Variants in SFMBT1 observed in about 807,000 individuals in gnomAD.
SFMBT1 encodes the protein scm-like with four MBT domains protein 1.
A neutral mutation model predicts 108.7 loss-of-function variants in SFMBT1; 32 were observed. The ratio of observed to expected loss-of-function variants is 0.29; its 90% confidence interval spans 0.22 to 0.40. The LOEUF is 0.40. SFMBT1 is among the 10% of genes least tolerant of loss of function. The pLI, the probability that SFMBT1 is intolerant of heterozygous loss-of-function variation, is 1.00. For synonymous variants in SFMBT1, 348 were observed against 369.5 expected (o/e 0.94, Z 0.67); for missense variants, 816 against 1,059.6 (o/e 0.77, Z 3.19).
chr3:52,947,446 G>A (rs1398113360), intron 3 of SFMBT1, among the ~76,000 whole-genome samples: 1 of 152,076 alleles, frequency 6.6e-6, no homozygotes, highest in Non-Finnish European at 1.5e-5. Flanking sequence ...ATTTTGGAAG[G>A]TGTGTCATGT....
At chr3:52,908,152 C>T (rs192858477) in intron 17 of SFMBT1, among the ~76,000 whole-genome samples, 61 of 150,246 alleles carry the variant, frequency 4.1e-4, no homozygotes, top group Non-Finnish European at 7.2e-4. Context: ...CGGCTCACTG[C>T]AACCTCTGCC....
intron 1 of SFMBT1, among the ~76,000 whole-genome samples, chr3:52,986,199 T>C (rs1704910346): frequency 6.6e-6 from 1 of 151,492 alleles, no homozygotes; most frequent in Non-Finnish European, 1.5e-5. Context: ...GCACTTATCA[T>C]GAATGGAGCT....
intron 1 of SFMBT1, among the ~76,000 whole-genome samples, chr3:53,007,884 C>T (rs1447829036): frequency 1.3e-5 from 2 of 152,092 alleles, no homozygotes; most frequent in African/African-American, 4.8e-5. Context: ...CAAAGATACG[C>T]AACCTGAGTT....
At chr3:52,929,698 G>T (rs1424364238) in intron 8 of SFMBT1, among the ~76,000 whole-genome samples, 1 of 152,156 alleles carries the variant, frequency 6.6e-6, no homozygotes, top group South Asian at 2.1e-4. Flanking sequence ...TAGGTCAGAG[G>T]ATTTAGCACC....
At chr3:52,975,006 GAA>G (rs565616671) in intron 1 of SFMBT1, among the ~76,000 whole-genome samples, 2 of 134,572 alleles carry the variant, frequency 1.5e-5, no homozygotes, top group African/African-American at 2.7e-5. Flanking sequence ...CCCTGTATCA[GAA>G]AAAAAAAAAA....
At chr3:52,994,851 T>C (rs1698266125) in intron 1 of SFMBT1, among the ~76,000 whole-genome samples, 1 of 148,954 alleles carries the variant, frequency 6.7e-6, no homozygotes, top group Non-Finnish European at 1.5e-5. Context: ...AAAATCAAAC[T>C]CTGGAAAACA....
At chr3:53,034,139 T>A (rs73079924) in intron 1 of SFMBT1, among the ~76,000 whole-genome samples, 40,625 of 151,312 alleles carry the variant, frequency 0.27, 6,047 homozygotes, top group Middle Eastern at 0.4. Context: ...TACTTCTTTT[T>A]AAATACAAAG....
intron 5 of SFMBT1, among the ~76,000 whole-genome samples, chr3:52,933,791 A>T (rs1312801181): frequency 6.6e-6 from 1 of 152,184 alleles, no homozygotes; most frequent in Non-Finnish European, 1.5e-5. Flanking sequence ...ACTCTTAGAA[A>T]ATACAGGAGT....
intron 4 of SFMBT1, among the ~76,000 whole-genome samples, chr3:52,937,183 C>A (rs937262333): frequency 2.6e-5 from 4 of 152,104 alleles, no homozygotes; most frequent in Non-Finnish European, 5.9e-5. Flanking sequence ...CATATACAAA[C>A]AACTATTTCA....
chr3:53,003,772 A>G (rs73839787), intron 1 of SFMBT1, among the ~76,000 whole-genome samples: 9 of 142,984 alleles, frequency 6.3e-5, no homozygotes, highest in Admixed American at 2.1e-4. Flanking sequence ...AAAAAAAAAA[A>G]AAAGAAAAGA....
intron 1 of SFMBT1, among the ~76,000 whole-genome samples, chr3:53,013,136 T>C (rs1349922962): frequency 6.6e-6 from 1 of 151,796 alleles, no homozygotes; most frequent in Non-Finnish European, 1.5e-5. Context: ...GATTATAATG[T>C]TGGCAAAAAC....
At chr3:53,029,671 T>TCA (rs1484903646) in intron 1 of SFMBT1, among the ~76,000 whole-genome samples, 2 of 152,348 alleles carry the variant, frequency 1.3e-5, no homozygotes, top group African/African-American at 4.8e-5. Flanking sequence ...GCAGCATACA[T>TCA]TCAGGCCTTA....
At chr3:52,991,851 T>C (rs1387966750) in intron 1 of SFMBT1, among the ~76,000 whole-genome samples, 11 of 152,178 alleles carry the variant, frequency 7.2e-5, no homozygotes, top group African/African-American at 2.7e-4. Flanking sequence ...CACCTTGATT[T>C]TGGACTTCTC....
intron 3 of SFMBT1, among the ~76,000 whole-genome samples, chr3:52,948,825 A>ATTTTTTTTTTT (rs71615878): frequency 0.057 from 4,480 of 78,108 alleles, 533 homozygotes; most frequent in South Asian, 0.073. Context: ...CTAATTTTTA[A>ATTTTTTTTTTT]TTTTTTTTTT....
Position 52,932,320 on chromosome 3 carries a change from A to G in SFMBT1, c.454-12T>C. On this transcript the variant is annotated splice_polypyrimidine_tract_variant and intron_variant, in intron 5 of 20. Transcript: ENST00000394752. ...CTCCCATTACGGAGCTGTAGGATTA[A>G]AAAGTAAAACAACCCAGTAAGAGAA... 6.2e-7 allele frequency: 1 copy of G among 1,604,418 alleles called. No individual in the cohort carries two copies.
intron 1 of SFMBT1, among the ~76,000 whole-genome samples, chr3:53,005,245 C>T (rs1698698542): frequency 6.6e-6 from 1 of 152,182 alleles, no homozygotes; most frequent in Non-Finnish European, 1.5e-5. Context: ...TGATGACTAC[C>T]AAATGCTCTG....
Position 52,945,151 on chromosome 3 carries a change from A to AAAAACAAAAAAAAAAAAAC in SFMBT1, c.124-1559_124-1558insGTTTTTTTTTTTTTGTTTT, listed in dbSNP as rs1208407962. On this transcript the variant is annotated intron_variant, in intron 3 of 20. Coordinates refer to ENST00000394752, the MANE Select transcript of SFMBT1 (RefSeq NM_016329.4). ...ACCTTCCAATTAAAAAAAAAAAAAA[A>AAAAACAAAAAAAAAAAAAC]CAAGGACTTCAGGGAAAAAAGCTTA... 3.6e-3 allele frequency among the ~76,000 whole-genome samples: 538 copies of AAAAACAAAAAAAAAAAAAC among 148,686 alleles called. 28 individuals are homozygous for AAAAACAAAAAAAAAAAAAC. Among genetic ancestry groups the AAAAACAAAAAAAAAAAAAC allele is most frequent in the African/African-American group, 0.013 (517 of 40,218 alleles).
intron 1 of SFMBT1, among the ~76,000 whole-genome samples, chr3:53,042,371 ACT>A (rs1700085080): frequency 6.6e-6 from 1 of 152,236 alleles, no homozygotes. Flanking sequence ...AGACAGTGTC[ACT>A]CTGTTACCCA....
chr3:52,945,731 C>T (rs1703344569), intron 3 of SFMBT1, among the ~76,000 whole-genome samples: 1 of 149,782 alleles, frequency 6.7e-6, no homozygotes, highest in Non-Finnish European at 1.5e-5. Context: ...GGCATGAACC[C>T]GGGAGGCGGA....
Sources: allele counts gnomAD v4.1 joint callset (sites outside exome capture counted in the v4.1 genomes callset), GRCh38; gene constraint gnomAD v4.1.1; transcripts MANE v1.5; gene names NCBI Gene and HGNC (gene_info 2026-07-23, HGNC 2026-07-21).